EPHB1: variants seen among roughly 807,000 people sequenced by gnomAD.
EPHB1 encodes EPH receptor B1, also known as ephrin type-B receptor 1.
Under a neutral mutation model 94.4 loss-of-function variants are expected in EPHB1, and 30 were observed. The observed-to-expected ratio is 0.32, with a 90% CI of 0.24 to 0.43. The LOEUF (loss-of-function observed/expected upper bound fraction) is 0.43, where lower values mean the gene tolerates loss of function less well. Ranked by LOEUF, EPHB1 falls within the 20% of genes least tolerant of loss-of-function variation. The pLI is 1.00. For missense variants in EPHB1, 1,055 were observed against 1,308.3 expected (o/e 0.81, Z 2.99); for synonymous variants, 522 against 489.1 (o/e 1.07, Z -0.89).
chr3:134,925,754 C>A, intron 1 of EPHB1, 62 bp from the exon 2 acceptor site: 1 of 1,418,408 alleles, frequency 7.1e-7, no homozygotes, highest in Non-Finnish European at 9.6e-7. Flanking sequence ...TTGAGGGCCA[C>A]TGTATAGCAA....
At chr3:135,073,292 G>A (rs1197315662) in intron 3 of EPHB1, among the ~76,000 whole-genome samples, 1 of 152,106 alleles carries the variant, frequency 6.6e-6, no homozygotes, top group Non-Finnish European at 1.5e-5. Context: ...ATCAAAACCT[G>A]CTGTTGCATC....
chr3:135,241,856 G>A (rs887223340), intron 13 of EPHB1, among the ~76,000 whole-genome samples: 1 of 152,200 alleles, frequency 6.6e-6, no homozygotes, highest in Non-Finnish European at 1.5e-5. Flanking sequence ...TCACCTATCA[G>A]TGAAGGAAGA....
At chr3:134,849,053 G>A (rs1489316932) in intron 1 of EPHB1, among the ~76,000 whole-genome samples, 1 of 152,232 alleles carries the variant, frequency 6.6e-6, no homozygotes, top group African/African-American at 2.4e-5. Context: ...TGAACAGGAG[G>A]GACAGAAGTG....
At chr3:135,040,832 A>G (rs183918854) in intron 3 of EPHB1, among the ~76,000 whole-genome samples, 1 of 152,326 alleles carries the variant, frequency 6.6e-6, no homozygotes, top group Admixed American at 6.5e-5. Flanking sequence ...TAGCGTGACA[A>G]GGAGGAGGAG....
chr3:135,042,571 T>C (rs1051355266), intron 3 of EPHB1, among the ~76,000 whole-genome samples: 4 of 152,242 alleles, frequency 2.6e-5, no homozygotes, highest in African/African-American at 9.6e-5. Context: ...ACCACCCTGC[T>C]GAGGAGGGCT....
intron 1 of EPHB1, among the ~76,000 whole-genome samples, chr3:134,839,452 T>C (rs1300855106): frequency 6.6e-6 from 1 of 152,068 alleles, no homozygotes; most frequent in East Asian, 1.9e-4. Flanking sequence ...AGAAAGCAAA[T>C]CCTAGGGAGG....
intron 1 of EPHB1, among the ~76,000 whole-genome samples, chr3:134,837,539 G>A (rs2036694247): frequency 6.6e-6 from 1 of 152,306 alleles, no homozygotes; most frequent in Middle Eastern, 3.4e-3. Flanking sequence ...CGGGGAGGGG[G>A]CAACTACACC....
At chr3:135,156,759 G>C (rs1180883740) in intron 6 of EPHB1, among the ~76,000 whole-genome samples, 1 of 152,230 alleles carries the variant, frequency 6.6e-6, no homozygotes, top group Non-Finnish European at 1.5e-5. Context: ...TGTTATATCT[G>C]ATCCATTTTG....
At chr3:135,020,093 A>G (rs1935936902) in intron 3 of EPHB1, among the ~76,000 whole-genome samples, 1 of 152,168 alleles carries the variant, frequency 6.6e-6, no homozygotes, top group Non-Finnish European at 1.5e-5. Flanking sequence ...GTGTTGGTTA[A>G]TTTATCTGTT....
At chr3:134,882,566 T>C (rs1052367516) in intron 1 of EPHB1, among the ~76,000 whole-genome samples, 3 of 152,200 alleles carry the variant, frequency 2.0e-5, no homozygotes. Flanking sequence ...TAACACTGTT[T>C]AACCATGAGG....
At position 135,098,856 on chromosome 3, in the gene EPHB1, A is replaced by G. The variant is rs1209102351; in HGVS notation, c.806-7592A>G. On this transcript the variant is annotated intron_variant, in intron 3 of 15. Coordinates refer to ENST00000398015, the MANE Select transcript of EPHB1 (RefSeq NM_004441.5). The stretch of plus-strand genomic sequence containing the variant: ...GTAAAACCCCGTCTGTACTAAAAAT[A>G]CAAAAATTAGTTAGGTGGTAGTGGC... 2.6e-5 allele frequency among the ~76,000 whole-genome samples: 4 copies of G among 152,030 alleles called. No homozygotes were observed. The East Asian group carries it at 5.8e-4, about 22-fold the overall frequency.
intron 4 of EPHB1, among the ~76,000 whole-genome samples, chr3:135,131,274 C>A (rs1940405851): frequency 6.6e-6 from 1 of 152,110 alleles, no homozygotes; most frequent in Non-Finnish European, 1.5e-5. Flanking sequence ...TTAATAGAAC[C>A]CGATTTAATA....
intron 4 of EPHB1, among the ~76,000 whole-genome samples, chr3:135,123,422 T>G (rs180996138): frequency 1.3e-5 from 2 of 152,304 alleles, no homozygotes; most frequent in East Asian, 3.9e-4. Flanking sequence ...TTCTCTTTCT[T>G]GGTTCCAAAG....
At chr3:134,863,525 A>G (rs1017839683) in intron 1 of EPHB1, among the ~76,000 whole-genome samples, 2 of 152,246 alleles carry the variant, frequency 1.3e-5, no homozygotes, top group Admixed American at 6.5e-5. Context: ...GAACAAAAGA[A>G]GGAAGAAATT....
chr3:134,880,737 T>C (rs2037715212), intron 1 of EPHB1, among the ~76,000 whole-genome samples: 1 of 152,256 alleles, frequency 6.6e-6, no homozygotes, highest in Admixed American at 6.5e-5. Flanking sequence ...GATGAGCATC[T>C]GGGCCTTAGA....
intron 2 of EPHB1, among the ~76,000 whole-genome samples, chr3:134,950,672 C>T (rs912712085): frequency 6.6e-6 from 1 of 152,104 alleles, no homozygotes; most frequent in African/African-American, 2.4e-5. Flanking sequence ...CACTCATCAC[C>T]AAAGGGATGG....
At chr3:135,255,264 G>A (rs1933326409) in intron 15 of EPHB1, among the ~76,000 whole-genome samples, 2 of 152,002 alleles carry the variant, frequency 1.3e-5, no homozygotes, top group African/African-American at 4.8e-5. Context: ...GCTTTTGAAT[G>A]TGTTTGCTCT....
intron 3 of EPHB1, among the ~76,000 whole-genome samples, chr3:135,072,422 T>A (rs1937754821): frequency 6.6e-6 from 1 of 152,112 alleles, no homozygotes; most frequent in Non-Finnish European, 1.5e-5. Flanking sequence ...GCCACTTTCC[T>A]CTTTAAGCCC....
chr3:134,883,455 C>T (rs2037802529), intron 1 of EPHB1, among the ~76,000 whole-genome samples: 1 of 152,310 alleles, frequency 6.6e-6, no homozygotes, highest in African/African-American at 2.4e-5. Context: ...GGCACAGTCT[C>T]TTGGCAGAAA....
Sources: allele counts gnomAD v4.1 joint callset (sites outside exome capture counted in the v4.1 genomes callset), GRCh38; gene constraint gnomAD v4.1.1; transcripts MANE v1.5; gene names NCBI Gene and HGNC (gene_info 2026-07-23, HGNC 2026-07-21).